The following ZFP2 variants were observed in gnomAD, a reference collection of about 807,000 sequenced individuals.
ZFP2 encodes ZFP2 zinc finger protein, also known as zinc finger protein ZFP2.
In ZFP2, 33 loss-of-function variants were observed where a neutral mutation model predicts 36.1. That is an observed-to-expected ratio of 0.92 (90% confidence interval 0.69 to 1.22). The LOEUF is 1.22. Ranked by LOEUF, ZFP2 falls within the 50% of genes most tolerant of loss-of-function variation. ZFP2 has a pLI of 0.00. For synonymous variants in ZFP2, 170 were observed against 178.0 expected (o/e 0.96, Z 0.36); for missense variants, 522 against 551.4 (o/e 0.95, Z 0.53).
chr5:178,909,743 T>C, intron 1 of ZFP2: 1 of 1,554,898 alleles, frequency 6.4e-7, no homozygotes, highest in Non-Finnish European at 8.7e-7. Flanking sequence ...CCTCGGGCCT[T>C]GAGCTGAGTG....
chr5:178,931,135 T>C (rs1758824833), intron 4 of ZFP2, 102 bp from the exon 5 acceptor site: 6 of 1,289,988 alleles, frequency 4.7e-6, no homozygotes, highest in Non-Finnish European at 6.1e-6. Context: ...TCAGCAGTTA[T>C]TTTAGTTGAT....
intron 4 of ZFP2, among the ~76,000 whole-genome samples, chr5:178,917,531 C>G (rs543239956): frequency 6.6e-6 from 1 of 152,024 alleles, no homozygotes; most frequent in Non-Finnish European, 1.5e-5. Flanking sequence ...GTGAGAATCA[C>G]TTGAACCCGG....
intron 1 of ZFP2, among the ~76,000 whole-genome samples, chr5:178,910,790 C>T (rs915586187): frequency 2.6e-5 from 4 of 152,148 alleles, no homozygotes; most frequent in Non-Finnish European, 4.4e-5. Context: ...CTACCATCCC[C>T]GCTGGGGTTT....
At chr5:178,916,451 A>C in intron 3 of ZFP2, 114 bp from the exon 4 acceptor site, 1 of 571,982 alleles carries the variant, frequency 1.7e-6, no homozygotes, top group Non-Finnish European at 2.2e-6. Context: ...AGTGTATCTG[A>C]AAGAGCAGAG....
intron 4 of ZFP2, among the ~76,000 whole-genome samples, chr5:178,926,203 C>T (rs1486471867): frequency 6.6e-6 from 1 of 152,048 alleles, no homozygotes; most frequent in Non-Finnish European, 1.5e-5. Flanking sequence ...TTTCTCCCAA[C>T]ATTTTTCTTT....
chr5:178,909,425 T>G lies in ZFP2; in HGVS notation c.-449-3159T>G, dbSNP rs186145273. Among the ~76,000 whole-genome samples, 3 of 152,350 alleles carry G rather than the reference T, an allele frequency of 2.0e-5. No individual in the cohort carries two copies. The East Asian group carries it at 5.8e-4, about 29-fold the overall frequency. On this transcript the variant is annotated intron_variant, in intron 1 of 4. Coordinates refer to ENST00000361362, the MANE Select transcript of ZFP2 (RefSeq NM_030613.4). ...CATCCTCACCACCTGCTGCTTTGTT[T>G]GATCACCAGTAAATAGTGCTTGCTT...
intron 1 of ZFP2, among the ~76,000 whole-genome samples, chr5:178,898,174 C>A (rs1757980394): frequency 6.6e-6 from 1 of 152,098 alleles, no homozygotes; most frequent in South Asian, 2.1e-4. Context: ...TTGGTAGAGA[C>A]AGGATTTTGC....
intron 4 of ZFP2, among the ~76,000 whole-genome samples, chr5:178,927,489 T>C (rs74517599): frequency 0.086 from 12,760 of 147,778 alleles, 673 homozygotes; most frequent in Non-Finnish European, 0.12. Flanking sequence ...TATTCATTTA[T>C]TTATTTTTGG....
intron 1 of ZFP2, chr5:178,910,372 C>G (rs1239505744): frequency 9.7e-7 from 1 of 1,033,486 alleles, no homozygotes; most frequent in Non-Finnish European, 1.5e-6. Flanking sequence ...GACTCCTCGG[C>G]ACTGGAGTTG....
chr5:178,907,597 A>G (rs1423996559), intron 1 of ZFP2, among the ~76,000 whole-genome samples: 1 of 145,544 alleles, frequency 6.9e-6, no homozygotes, highest in Non-Finnish European at 1.5e-5. Context: ...TTTGCCAGAC[A>G]AGTAAGCTCA....
At chr5:178,925,538 A>G (rs913207321) in intron 4 of ZFP2, among the ~76,000 whole-genome samples, 2 of 149,622 alleles carry the variant, frequency 1.3e-5, no homozygotes, top group African/African-American at 2.4e-5. Context: ...CCACTATTGC[A>G]TCTTTCCAAA....
At chr5:178,923,136 A>G (rs1321536867) in intron 4 of ZFP2, among the ~76,000 whole-genome samples, 1 of 149,374 alleles carries the variant, frequency 6.7e-6, no homozygotes, top group African/African-American at 2.4e-5. Context: ...TATGTGTACA[A>G]TATACGTAAC....
rs142144812 is a variant in ZFP2 at position 178,932,409 on chromosome 5, C to T, written c.1096C>T (p.Arg366Ter). 181 of 1,613,588 alleles carry T rather than the reference C, an allele frequency of 1.1e-4. No individual in the cohort carries two copies. The highest frequency in any genetic ancestry group is 4.2e-4 in the Admixed American group (25 of 59,964). Residue 366 changes from arginine (R) to a stop codon, truncating the protein, a stop_gained, in exon 5 of 5, where the codon CGA becomes TGA. Coordinates refer to ENST00000361362, the MANE Select transcript of ZFP2 (RefSeq NM_030613.4). LOFTEE classifies it high-confidence loss of function. ...CMVCGKHFTG[R>*]SSLTVHQVIH... ...GGTGTGTGGAAAACATTTCACTGGA[C>T]GATCATCCCTTACCGTGCATCAGGT...
intron 3 of ZFP2, among the ~76,000 whole-genome samples, chr5:178,914,689 G>A (rs1395014051): frequency 1.3e-5 from 2 of 152,172 alleles, no homozygotes; most frequent in African/African-American, 2.4e-5. Context: ...AAAGGAGGCA[G>A]GAAGGGAGGA....
chr5:178,922,194 T>C, intron 4 of ZFP2: 2 of 1,106,806 alleles, frequency 1.8e-6, no homozygotes, highest in Non-Finnish European at 2.8e-6. Flanking sequence ...TTGACATGGT[T>C]GTGCGTCTGT....
intron 1 of ZFP2, among the ~76,000 whole-genome samples, chr5:178,905,334 C>T (rs1333900421): frequency 6.6e-6 from 1 of 152,070 alleles, no homozygotes; most frequent in Non-Finnish European, 1.5e-5. Context: ...GTTTCATTTT[C>T]TGTTGCTGTT....
intron 4 of ZFP2, among the ~76,000 whole-genome samples, chr5:178,919,392 A>G (rs1212317021): frequency 6.6e-6 from 1 of 152,180 alleles, no homozygotes; most frequent in African/African-American, 2.4e-5. Flanking sequence ...TATTACAATG[A>G]CTTAACAGGG....
At chr5:178,929,951 G>T (rs1420874939) in intron 4 of ZFP2, among the ~76,000 whole-genome samples, 1 of 149,384 alleles carries the variant, frequency 6.7e-6, no homozygotes, top group African/African-American at 2.4e-5. Context: ...GTGGGGGGGG[G>T]GGCTCAGGAG....
rs780303324 is a variant in ZFP2 at position 178,932,053 on chromosome 5, G to A, written c.740G>A (p.Cys247Tyr). 1.9e-6 allele frequency: 3 copies of A among 1,614,108 alleles called. No individual in the cohort carries two copies. The highest frequency in any genetic ancestry group is 2.2e-5 in the South Asian group (2 of 91,068). The change falls in exon 5 of 5, where the codon TGT (cysteine) becomes TAT (tyrosine). Residue 247 changes from cysteine to tyrosine, a missense_variant. Coordinates refer to ENST00000361362, the MANE Select transcript of ZFP2 (RefSeq NM_030613.4). ...TGEKPYECNE[C>Y]GKAFSQSMHL... The stretch of plus-strand genomic sequence containing the variant: ...GAAAAACCCTATGAATGTAATGAAT[G>A]TGGAAAAGCCTTCAGTCAAAGCATG...
Sources: allele counts gnomAD v4.1 joint callset (sites outside exome capture counted in the v4.1 genomes callset), GRCh38; gene constraint gnomAD v4.1.1; transcripts MANE v1.5; gene names NCBI Gene and HGNC (gene_info 2026-07-23, HGNC 2026-07-21).